ADGRF5: variants seen among roughly 807,000 people sequenced by gnomAD.
ADGRF5 encodes the protein G-protein coupled receptor 116.
ADGRF5 carries 75 observed loss-of-function variants against 132.3 expected under a neutral mutation model. That is an observed-to-expected ratio of 0.57 (90% CI 0.47 to 0.69). The LOEUF (loss-of-function observed/expected upper bound fraction) is 0.69. Ranked by LOEUF, ADGRF5 falls within the 30% of genes least tolerant of loss-of-function variation. The probability of loss-of-function intolerance (pLI) is 0.00; values close to 1 mark genes in which losing one functional copy is unlikely to be tolerated. For synonymous variants in ADGRF5, 629 were observed against 597.6 expected (o/e 1.05, Z -0.77); for missense variants, 1,516 against 1,630.6 (o/e 0.93, Z 1.21).
chr6:46,909,631 G>A (rs916976417), intron 1 of ADGRF5, among the ~76,000 whole-genome samples: 2 of 152,156 alleles, frequency 1.3e-5, no homozygotes, highest in Non-Finnish European at 2.9e-5. Context: ...GAGTGATTAT[G>A]CACCAGGAAG....
chr6:46,877,710 G>C (rs534588117), intron 10 of ADGRF5, among the ~76,000 whole-genome samples: 1 of 152,224 alleles, frequency 6.6e-6, no homozygotes, highest in East Asian at 1.9e-4. Context: ...TGCAGAGAGA[G>C]AGGGATAAAG....
At chr6:46,919,219 C>T (rs2150921913) in intron 1 of ADGRF5, among the ~76,000 whole-genome samples, 1 of 152,208 alleles carries the variant, frequency 6.6e-6, no homozygotes, top group South Asian at 2.1e-4. Flanking sequence ...TGACTTTTAT[C>T]CTCATAGTAC....
At chr6:46,953,048 TGCAAGGTACTTAGTTTAGTTGCAAA>T (rs1778561268) in intron 1 of ADGRF5, among the ~76,000 whole-genome samples, 1 of 152,072 alleles carries the variant, frequency 6.6e-6, no homozygotes, top group Non-Finnish European at 1.5e-5. Flanking sequence ...ATTAGGGAAA[TGCAAGGTACTTAGTTTAGTTGCAAA>T]GTCAGATACT....
Position 46,866,928 on chromosome 6 carries a change from C to T in ADGRF5, c.1831G>A (p.Ala611Thr), listed in dbSNP as rs1226991768. The change falls in exon 13 of 21, where the codon GCT becomes ACT. Residue 611 changes from alanine (A) to threonine (T), a missense_variant. Physicochemically the swap from Ala to Thr is moderately conservative, Grantham distance 58. This residue lies in a region of ADGRF5 where 945 missense variants were observed against 929.4 expected (regional missense o/e 1.02). Coordinates refer to ENST00000283296, the MANE Select transcript of ADGRF5 (RefSeq NM_001098518.2). The part of the protein sequence containing the change: ...TFHTGSSSLP[A>T]AKEVNKKQVC... ...AATTCAGCAATCAGCATCTTACCAGCAGGAAGGGATGAGGAACCCGTATGG... is the reference window on the plus strand; with the variant it reads ...AATTCAGCAATCAGCATCTTACCAGTAGGAAGGGATGAGGAACCCGTATGG... 4 of 1,583,286 alleles carry T rather than the reference C, an allele frequency of 2.5e-6. No homozygotes were observed. The highest frequency in any genetic ancestry group is 3.5e-6 in the Non-Finnish European group (4 of 1,151,972).
upstream of ADGRF5, among the ~76,000 whole-genome samples, chr6:46,926,204 A>C (rs1471286057): frequency 2.6e-5 from 4 of 152,136 alleles, no homozygotes; most frequent in African/African-American, 9.7e-5. Context: ...CTGCTACTGC[A>C]CCCATTCCAC....
At chr6:46,894,500 C>G (rs555084485) in intron 3 of ADGRF5, among the ~76,000 whole-genome samples, 2 of 152,262 alleles carry the variant, frequency 1.3e-5, no homozygotes, top group African/African-American at 4.8e-5. Context: ...CCCCATCTTA[C>G]CTAGTAAGAT....
At chr6:46,865,827 A>G (rs1308549653) in intron 13 of ADGRF5, among the ~76,000 whole-genome samples, 5 of 152,180 alleles carry the variant, frequency 3.3e-5, no homozygotes, top group Non-Finnish European at 5.9e-5. Context: ...GATATTTTAT[A>G]TTATATGCAT....
chr6:46,871,283 T>C (rs964579340), intron 11 of ADGRF5, among the ~76,000 whole-genome samples: 22 of 152,140 alleles, frequency 1.4e-4, no homozygotes, highest in Admixed American at 3.3e-4. Context: ...GAAGCCTAAC[T>C]AAACAAGTAA....
intron 17 of ADGRF5, 62 bp from the exon 18 acceptor site, chr6:46,856,970 G>T: frequency 7.7e-7 from 1 of 1,301,712 alleles, no homozygotes; most frequent in Non-Finnish European, 1.1e-6. Flanking sequence ...CAGCAAAGGA[G>T]GAAGTACTGT....
intron 3 of ADGRF5, among the ~76,000 whole-genome samples, chr6:46,891,848 T>A (rs910619591): frequency 6.6e-6 from 1 of 152,172 alleles, no homozygotes; most frequent in African/African-American, 2.4e-5. Flanking sequence ...ATAGCATTCC[T>A]GCAGCTGTTA....
chr6:46,917,296 T>C (rs1232444014), intron 1 of ADGRF5, among the ~76,000 whole-genome samples: 2 of 152,214 alleles, frequency 1.3e-5, no homozygotes, highest in Non-Finnish European at 2.9e-5. Flanking sequence ...GAGATATATC[T>C]TTCCACTGCA....
At chr6:46,953,263 TG>T (rs1385244419) in intron 1 of ADGRF5, among the ~76,000 whole-genome samples, 2 of 152,254 alleles carry the variant, frequency 1.3e-5, no homozygotes, top group South Asian at 2.1e-4. Context: ...AACTGATGCC[TG>T]ATGCAGCTAG....
At position 46,888,473 on chromosome 6, in the gene ADGRF5, T is replaced by G; in HGVS notation, c.190A>C (p.Thr64Pro). The change falls in exon 4 of 21, where the codon ACT becomes CCT. Residue 64 changes from threonine to proline, a missense_variant. Physicochemically the swap from Thr to Pro is conservative, Grantham distance 38 (BLOSUM62 -1). Coordinates refer to ENST00000283296, the MANE Select transcript of ADGRF5 (RefSeq NM_001098518.2). Reference sequence around the variant, plus strand: ...TCAAAACTGATCTCAATATTAACAGTGTATTCTTCAGCCGTAGGACTTTTT... The same window carrying G: ...TCAAAACTGATCTCAATATTAACAGGGTATTCTTCAGCCGTAGGACTTTTT... Reference protein sequence around the residue: ...ATKSPTAEEYTVNIEISFENA... With the variant: ...ATKSPTAEEYPVNIEISFENA... 1 of 1,613,426 alleles carries G rather than the reference T, an allele frequency of 6.2e-7. No homozygotes were observed. Among genetic ancestry groups the G allele is most frequent in the Middle Eastern group, 1.6e-4 (1 of 6,062 alleles).
intron 1 of ADGRF5, among the ~76,000 whole-genome samples, chr6:46,910,476 G>C (rs1369038532): frequency 6.6e-6 from 1 of 152,090 alleles, no homozygotes; most frequent in African/African-American, 2.4e-5. Flanking sequence ...CTGCTGCTGA[G>C]CTCTCTGCAA....
intron 1 of ADGRF5, among the ~76,000 whole-genome samples, chr6:46,914,413 C>T (rs1186645806): frequency 2.0e-5 from 3 of 152,186 alleles, no homozygotes; most frequent in Non-Finnish European, 4.4e-5. Flanking sequence ...TTAACACAAA[C>T]ATGGGACACA....
Position 46,858,433 on chromosome 6 carries a change from G to A in ADGRF5, c.3470C>T (p.Thr1157Met), listed in dbSNP as rs141322343. 1.2e-4 allele frequency: 197 copies of A among 1,613,898 alleles called. No homozygotes were observed. In the African/African-American group the frequency reaches 1.3e-3, roughly 11 times the overall value. Residue 1157 changes from threonine to methionine, a missense_variant, in exon 17 of 21, where the codon ACG (threonine) becomes ATG (methionine). Physicochemically the swap from Thr to Met is moderately conservative, Grantham distance 81 (BLOSUM62 -1). This residue lies in a region of ADGRF5 where 571 missense variants were observed against 701.2 expected (regional missense o/e 0.81). Transcript: ENST00000283296. ...GTTGAGCCAACAGACATTCTTCCTC[G>A]TATAGACTTCCCGGGGCTGGGTGGC... ...LGATQPREVY[T>M]RKNVCWLNWE...
Position 46,854,831 on chromosome 6 carries a change from C to T in ADGRF5, c.3962-760G>A, listed in dbSNP as rs1034462400. ...GTGCTTATGGGGCCCCCAAACATGC[C>T]CAATTGGGACTTTCATAATCAGAAG... On this transcript the variant is annotated intron_variant, in intron 20 of 20. Transcript: ENST00000283296. The T allele has an allele frequency of 3.6e-6, 3 of 831,824 alleles. No individual in the cohort carries two copies. The African/African-American group carries it at 5.3e-5, about 15-fold the overall frequency. 51.5% of individuals were successfully genotyped at this position (831,824 alleles called of 1,614,324 possible).
intron 4 of ADGRF5, among the ~76,000 whole-genome samples, chr6:46,885,335 C>T (rs181610312): frequency 1.3e-5 from 2 of 152,192 alleles, no homozygotes; most frequent in Non-Finnish European, 2.9e-5. Flanking sequence ...AGACCCTGAG[C>T]CAGAACCACC....
chr6:46,919,853 T>C (rs548651295), intron 1 of ADGRF5, among the ~76,000 whole-genome samples: 1 of 152,344 alleles, frequency 6.6e-6, no homozygotes, highest in Non-Finnish European at 1.5e-5. Context: ...TATTCTTGGG[T>C]TTGATACTGC....
Sources: gnomAD v4.1 joint callset for allele counts (sites outside exome capture counted in the v4.1 genomes callset) on GRCh38, gnomAD v4.1.1 for gene constraint, gnomAD v4.1.1 regional missense constraint, MANE v1.5 for transcripts, NCBI Gene and HGNC (gene_info 2026-07-23, HGNC 2026-07-21) for gene names.